The following ADGRE2 variants were observed in gnomAD, a reference collection of about 807,000 sequenced individuals.
ADGRE2 encodes the protein CD97 antigen.
ADGRE2 carries 83 observed loss-of-function variants against 100.8 expected under a neutral mutation model. The ratio of observed to expected loss-of-function variants is 0.82; its 90% confidence interval spans 0.69 to 0.99. The LOEUF (loss-of-function observed/expected upper bound fraction) is 0.99. ADGRE2 is among the 50% of genes least tolerant of loss of function. The probability of loss-of-function intolerance (pLI) is 0.00; values close to 1 mark genes in which losing one functional copy is unlikely to be tolerated. For synonymous variants in ADGRE2, 355 were observed against 413.0 expected, an observed-to-expected ratio of 0.86 and a Z score of 1.70; for missense variants, 814 against 1,035.7, an observed-to-expected ratio of 0.79 and a Z score of 2.94.
At chr19:14,759,207 G>A (rs1222356872) in intron 11 of ADGRE2, among the ~76,000 whole-genome samples, 4 of 152,014 alleles carry the variant, frequency 2.6e-5, no homozygotes, top group Non-Finnish European at 4.4e-5. Context: ...TGAACATGTC[G>A]GGCCCCCAGG....
At chr19:14,741,642 ATT>A (rs966185153) in intron 20 of ADGRE2, 37 of 124,990 alleles carry the variant, frequency 3.0e-4, no homozygotes, top group East Asian at 1.1e-3. Flanking sequence ...ACGCCTGGCT[ATT>A]TTTTTTTTTT....
chr19:14,777,954 T>C (rs561664741), intron 1 of ADGRE2, among the ~76,000 whole-genome samples: 71 of 152,338 alleles, frequency 4.7e-4, no homozygotes, highest in Non-Finnish European at 8.4e-4. Context: ...GCAATAAACA[T>C]ACATGTGCAT....
In ADGRE2 at chr19:14,767,479, T is replaced by G. The variant is rs541780942; in HGVS notation, c.356-370A>C. Among the ~76,000 whole-genome samples, 22 of 152,262 alleles carry G rather than the reference T, an allele frequency of 1.4e-4. 1 individual carries two copies. The South Asian group carries it at 2.1e-3, about 14-fold the overall frequency. ...TGGTCTTGATCTCCTGACCTCGTGA[T>G]CAGCCCACCTCGGCCTCCCAAAGTG... On this transcript the variant is annotated intron_variant, in intron 5 of 20. Coordinates refer to ENST00000315576, the MANE Select transcript of ADGRE2 (RefSeq NM_013447.4).
Position 14,756,439 on chromosome 19 carries a change from T to C in ADGRE2, c.1085-94A>G. 6 of 772,456 alleles carry C rather than the reference T, an allele frequency of 7.8e-6. No homozygotes were observed. The South Asian group carries it at 9.0e-5, about 12-fold the overall frequency. 47.9% of individuals were successfully genotyped at this position (772,456 alleles called of 1,614,324 possible). On this transcript the variant is annotated intron_variant, in intron 11 of 20. Transcript: ENST00000315576. The stretch of plus-strand genomic sequence containing the variant: ...TGACTTAATATATATACTATATACA[T>C]ATATAGTCTGAAGTTACAAAATATC...
rs577205492 is a variant in ADGRE2, at chr19:14,747,842, G to A, written c.2025-880C>T. Reference sequence around the variant, plus strand: ...AATAATGACTGAATGGTCTCTTAACGTTCCTTTTTATGGCTGAATAACATT... The same window carrying A: ...AATAATGACTGAATGGTCTCTTAACATTCCTTTTTATGGCTGAATAACATT... On this transcript the variant is annotated intron_variant, in intron 16 of 20. Transcript: ENST00000315576. 2.6e-5 allele frequency among the ~76,000 whole-genome samples: 4 copies of A among 152,192 alleles called. No homozygotes were observed. In the East Asian group the frequency reaches 5.8e-4, roughly 22 times the overall value.
intron 2 of ADGRE2, among the ~76,000 whole-genome samples, 193 bp from the exon 3 acceptor site, chr19:14,774,499 T>A (rs1457616400): frequency 6.6e-6 from 1 of 151,496 alleles, no homozygotes; most frequent in African/African-American, 2.4e-5. Context: ...CCTGTCCTCA[T>A]GGGGGTGGGT....
chr19:14,760,069 C>T (rs570529776), intron 11 of ADGRE2, among the ~76,000 whole-genome samples: 149 of 151,780 alleles, frequency 9.8e-4, no homozygotes, highest in Middle Eastern at 3.4e-3. Context: ...CCTCCCACCT[C>T]GGCCTCCCAA....
intron 11 of ADGRE2, among the ~76,000 whole-genome samples, chr19:14,758,529 T>C (rs1398483878): frequency 1.3e-5 from 2 of 152,042 alleles, no homozygotes; most frequent in Non-Finnish European, 2.9e-5. Flanking sequence ...ACCAGGGAAA[T>C]TGAGGATGTG....
intron 11 of ADGRE2, among the ~76,000 whole-genome samples, chr19:14,759,477 T>C (rs1052698575): frequency 1.6e-5 from 2 of 125,084 alleles, no homozygotes; most frequent in African/African-American, 7.1e-5. Context: ...AGACAAAAAG[T>C]ATAAGTTATA....
chr19:14,726,413 G>A, the ADGRE2 span, among the ~76,000 whole-genome samples: 1 of 152,176 alleles, frequency 6.6e-6, no homozygotes, highest in East Asian at 1.9e-4. Context: ...AGTCTCTTCA[G>A]CAAGTGGTGG....
rs1225836953 is a variant in ADGRE2 at position 14,733,783 on chromosome 19, A to T, written c.*2453T>A. The T allele has an allele frequency of 6.6e-6, 1 of 152,136 alleles. No homozygotes were observed. The highest frequency in any genetic ancestry group is 6.5e-5 in the Admixed American group (1 of 15,268). The allele number at this position is 152,136 out of a possible 1,614,324, so 9.4% of individuals were successfully genotyped here. On this transcript the variant is annotated 3_prime_UTR_variant, in exon 21 of 21. Coordinates refer to ENST00000315576, the MANE Select transcript of ADGRE2 (RefSeq NM_013447.4). The stretch of plus-strand genomic sequence containing the variant: ...TCTTTCCTCTTTCTTTAATTCTTAC[A>T]CTGACCTAGTGGTGGAGGCTTGGCA...
chr19:14,762,256 T>TAAA (rs761146918), intron 11 of ADGRE2, among the ~76,000 whole-genome samples: 1 of 130,548 alleles, frequency 7.7e-6, no homozygotes. Flanking sequence ...GATGGATGGA[T>TAAA]AAAAAAAAAA....
chr19:14,755,750 G>A lies in ADGRE2; in HGVS notation c.1320C>T (p.Gly440=). 1 of 1,614,134 alleles carries A rather than the reference G, an allele frequency of 6.2e-7. No individual in the cohort carries two copies. The highest frequency in any genetic ancestry group is 8.5e-7 in the Non-Finnish European group (1 of 1,179,992). The change falls in exon 13 of 21, where the codon GGC becomes GGT. Residue 440 remains glycine, a synonymous_variant. Coordinates refer to ENST00000315576, the MANE Select transcript of ADGRE2 (RefSeq NM_013447.4). ...HETHQGLLQD[G]SPILLSDVIS... is the part of the protein sequence containing the mutation. ...TCACATCTGAGAGCAGGATGGGGGA[G>A]CCGTCCTGCAGCAAGCCCTGGTGTG...
chr19:14,734,599 G>A lies in ADGRE2; in HGVS notation c.*1637C>T, dbSNP rs930333467. ...TCTATGTGAGATTTCATATATTTTT[G>A]TATTTTTACTAGAGACAAGATTTCA... is the stretch of plus-strand genomic sequence containing the variant. On this transcript the variant is annotated 3_prime_UTR_variant, in exon 21 of 21. Coordinates refer to ENST00000315576, the MANE Select transcript of ADGRE2 (RefSeq NM_013447.4). 2 of 152,148 alleles carry A rather than the reference G, an allele frequency of 1.3e-5. No homozygotes were observed. The highest frequency in any genetic ancestry group is 4.8e-5 in the African/African-American group (2 of 41,450). The allele number at this position is 152,148 out of a possible 1,614,324, so 9.4% of individuals were successfully genotyped here.
chr19:14,773,103 A>G (rs2044277846), intron 4 of ADGRE2, among the ~76,000 whole-genome samples: 1 of 149,644 alleles, frequency 6.7e-6, no homozygotes, highest in Non-Finnish European at 1.5e-5. Context: ...AAAAAACAAA[A>G]AAAAAAAGAA....
At chr19:14,748,181 C>G (rs905538517) in intron 16 of ADGRE2, among the ~76,000 whole-genome samples, 1 of 152,110 alleles carries the variant, frequency 6.6e-6, no homozygotes, top group South Asian at 2.1e-4. Flanking sequence ...TTGTTTGTGT[C>G]CATGGGTACC....
Position 14,773,906 on chromosome 19 carries a change from A to G in ADGRE2, c.199+32T>C, listed in dbSNP as rs757574159. 6.3e-6 allele frequency: 10 copies of G among 1,593,610 alleles called. No individual in the cohort carries two copies. In the Admixed American group the frequency reaches 1.5e-4, roughly 24 times the overall value. On this transcript the variant is annotated intron_variant, in intron 4 of 20. Transcript: ENST00000315576. ...ACTGGGCTATGCCTCATAATCGCAG[A>G]TGTCCCCTGCGCTGCCCTCAAGCCT...
Position 14,766,807 on chromosome 19 carries a change from C to T in ADGRE2, c.487+171G>A, listed in dbSNP as rs139370191. Among the ~76,000 whole-genome samples, 530 of 152,340 alleles carry T rather than the reference C, an allele frequency of 3.5e-3. 4 individuals are homozygous for T. The highest frequency in any genetic ancestry group is 5.2e-3 in the Non-Finnish European group (356 of 68,032). Reference sequence around the variant, plus strand: ...CCTGAAGGCCCTGCCGCCTCCCTGCCGTGTGGCGAGTCCTTCCTGGGAGGT... The same window carrying T: ...CCTGAAGGCCCTGCCGCCTCCCTGCTGTGTGGCGAGTCCTTCCTGGGAGGT... On this transcript the variant is annotated intron_variant, in intron 6 of 20. Coordinates refer to ENST00000315576, the MANE Select transcript of ADGRE2 (RefSeq NM_013447.4).
chr19:14,773,407 CTT>C (rs368475089), intron 4 of ADGRE2, among the ~76,000 whole-genome samples: 14 of 111,524 alleles, frequency 1.3e-4, no homozygotes, highest in Admixed American at 2.1e-4. Context: ...CTCTTTCTGT[CTT>C]TTTTTTTTTT....
Sources: allele counts gnomAD v4.1 joint callset (sites outside exome capture counted in the v4.1 genomes callset), GRCh38; gene constraint gnomAD v4.1.1; transcripts MANE v1.5; gene names NCBI Gene and HGNC (gene_info 2026-07-23, HGNC 2026-07-21).